FMN2: variants seen among roughly 807,000 people sequenced by gnomAD.
The protein encoded by FMN2 is formin 2, also known as formin-2.
FMN2 carries 51 observed loss-of-function variants against 142.3 expected under a neutral mutation model. That is an observed-to-expected ratio of 0.36 (90% CI 0.29 to 0.45). The LOEUF is 0.45. FMN2 is among the 20% of genes least tolerant of loss of function. FMN2 has a pLI of 1.00. For missense variants in FMN2, 1,936 were observed against 2,122.8 expected (o/e 0.91, Z 1.73); for synonymous variants, 882 against 869.8 (o/e 1.01, Z -0.25).
chr1:240,320,748 A>G (rs537255383), intron 8 of FMN2, among the ~76,000 whole-genome samples: 1 of 152,288 alleles, frequency 6.6e-6, no homozygotes, highest in East Asian at 1.9e-4. Context: ...TGCTCCGTGG[A>G]TGCCCAGGGA....
At chr1:240,254,111 T>G (rs2102890340) in intron 6 of FMN2, among the ~76,000 whole-genome samples, 1 of 152,160 alleles carries the variant, frequency 6.6e-6, no homozygotes, top group African/African-American at 2.4e-5. Flanking sequence ...GTGCCAGCAG[T>G]GGAAGAAGTG....
rs59902639 is a variant in FMN2 at position 240,252,953 on chromosome 1, C to CTTTT, written c.4066-4978_4066-4975dup. 7.3e-3 allele frequency among the ~76,000 whole-genome samples: 474 copies of CTTTT among 65,334 alleles called. 93 individuals are homozygous for CTTTT. Among genetic ancestry groups the CTTTT allele is most frequent in the African/African-American group, 0.029 (425 of 14,740 alleles). 42.9% of individuals were successfully genotyped at this position (65,334 alleles called of 152,430 possible). ...CCCATGTGTGATGTAGTCTTGTTCA[C>CTTTT]TTTTTTTTTTTTTTTTTGGAGACAG... On this transcript the variant is annotated intron_variant, in intron 6 of 17. Transcript: ENST00000319653.
intron 16 of FMN2, chr1:240,458,808 CGTTAA>C (rs899911627): frequency 2.0e-5 from 3 of 152,020 alleles, no homozygotes; most frequent in Non-Finnish European, 4.4e-5. Context: ...TATTTACTAT[CGTTAA>C]GTTTGTGGAA....
intron 1 of FMN2, among the ~76,000 whole-genome samples, chr1:240,110,162 AG>A (rs1169606490): frequency 1.3e-5 from 2 of 152,200 alleles, no homozygotes; most frequent in African/African-American, 4.8e-5. Context: ...AAAGTTGGTC[AG>A]AAGCTTTTCC....
At chr1:240,206,642 G>A (rs913231246) in intron 4 of FMN2, among the ~76,000 whole-genome samples, 157 bp from the exon 5 acceptor site, 1 of 152,158 alleles carries the variant, frequency 6.6e-6, no homozygotes, top group Non-Finnish European at 1.5e-5. Flanking sequence ...ATCTCAGGGT[G>A]CAAGCCAGGG....
intron 1 of FMN2, among the ~76,000 whole-genome samples, chr1:240,098,562 A>G (rs1236404705): frequency 6.6e-6 from 1 of 152,172 alleles, no homozygotes; most frequent in Non-Finnish European, 1.5e-5. Flanking sequence ...AATCTGCCTG[A>G]TACGTATAAA....
chr1:240,474,075 A>G (rs1167464964), intron 17 of FMN2, 53 bp from the exon 18 acceptor site: 9 of 1,492,164 alleles, frequency 6.0e-6, no homozygotes, highest in Non-Finnish European at 8.1e-6. Flanking sequence ...AATTCTTTCC[A>G]TTTTTAAAAG....
intron 2 of FMN2, among the ~76,000 whole-genome samples, chr1:240,162,337 G>A (rs1327886654): frequency 2.0e-5 from 3 of 151,958 alleles, no homozygotes; most frequent in East Asian, 1.9e-4. Flanking sequence ...GGTGGCAGTT[G>A]CCTGTAGTCC....
At chr1:240,128,441 CA>C (rs1228011162) in intron 2 of FMN2, among the ~76,000 whole-genome samples, 9 of 152,124 alleles carry the variant, frequency 5.9e-5, no homozygotes, top group African/African-American at 2.2e-4. Flanking sequence ...ACCATTTTTG[CA>C]GGGGTAGGTG....
chr1:240,352,056 A>T (rs906708039), intron 13 of FMN2, among the ~76,000 whole-genome samples: 1 of 152,234 alleles, frequency 6.6e-6, no homozygotes, highest in Non-Finnish European at 1.5e-5. Context: ...TAGGTTTTGC[A>T]AATCAGTCAA....
At chr1:240,144,191 G>A in intron 2 of FMN2, 1 of 1,489,204 alleles carries the variant, frequency 6.7e-7, no homozygotes, top group Non-Finnish European at 9.4e-7. Context: ...AAAGCCATTT[G>A]TTGCCATCAT....
At chr1:240,392,926 G>A (rs1474221968) in intron 15 of FMN2, among the ~76,000 whole-genome samples, 2 of 152,160 alleles carry the variant, frequency 1.3e-5, no homozygotes, top group African/African-American at 4.8e-5. Context: ...GGTAGGAAGC[G>A]ATGAGCTTCC....
intron 7 of FMN2, among the ~76,000 whole-genome samples, chr1:240,282,679 C>T (rs1669439100): frequency 6.6e-6 from 1 of 152,194 alleles, no homozygotes; most frequent in African/African-American, 2.4e-5. Flanking sequence ...CCCAGGTTTC[C>T]AGGTGCCCAA....
intron 7 of FMN2, among the ~76,000 whole-genome samples, chr1:240,262,363 G>A (rs749628374): frequency 5.9e-5 from 9 of 152,094 alleles, no homozygotes; most frequent in Non-Finnish European, 1.3e-4. Context: ...GCTCTTTGAC[G>A]TCCTTATGAT....
chr1:240,445,103 A>G lies in FMN2; in HGVS notation c.5060+6893A>G, dbSNP rs184647279. Among the ~76,000 whole-genome samples, 437 of 152,346 alleles carry G rather than the reference A, an allele frequency of 2.9e-3. 1 individual carries two copies. The highest frequency in any genetic ancestry group is 9.8e-3 in the African/African-American group (408 of 41,580). Reference sequence around the variant, plus strand: ...AGGTTTGGCAGAAGAGTCGACAAACAGGACAGTCAAAATAGTGGCCAATGG... The same window carrying G: ...AGGTTTGGCAGAAGAGTCGACAAACGGGACAGTCAAAATAGTGGCCAATGG... On this transcript the variant is annotated intron_variant, in intron 16 of 17. Coordinates refer to ENST00000319653, the MANE Select transcript of FMN2 (RefSeq NM_020066.5).
chr1:240,214,536 G>T (rs1204801605), intron 6 of FMN2, among the ~76,000 whole-genome samples: 1 of 138,944 alleles, frequency 7.2e-6, no homozygotes, highest in Non-Finnish European at 1.5e-5. Flanking sequence ...GGGCAATAGA[G>T]TGAGACTCCA....
intron 3 of FMN2, among the ~76,000 whole-genome samples, chr1:240,187,400 C>T (rs1053032728): frequency 1.3e-5 from 2 of 151,974 alleles, no homozygotes; most frequent in African/African-American, 2.4e-5. Flanking sequence ...TATAAACTCT[C>T]GTCTTCACCT....
chr1:240,377,272 G>T (rs1390874888), intron 14 of FMN2, among the ~76,000 whole-genome samples: 1 of 149,858 alleles, frequency 6.7e-6, no homozygotes, highest in South Asian at 2.1e-4. Context: ...TCCCATTTTT[G>T]AGAGATATTC....
rs1007835874 is a variant in FMN2 at position 240,184,385 on chromosome 1, C to T, written c.1931-3822C>T. Among the ~76,000 whole-genome samples the T allele has an allele frequency of 2.6e-5, 4 of 151,520 alleles. No homozygotes were observed. The East Asian group carries it at 7.8e-4, about 30-fold the overall frequency. ...CCGAGTAGCTGGGACTGCAGGTGCCCACCACCAGGCCGGCTCATTTTTGTA... is the reference window on the plus strand; with the variant it reads ...CCGAGTAGCTGGGACTGCAGGTGCCTACCACCAGGCCGGCTCATTTTTGTA... On this transcript the variant is annotated intron_variant, in intron 3 of 17. Coordinates refer to ENST00000319653, the MANE Select transcript of FMN2 (RefSeq NM_020066.5).
Sources: gnomAD v4.1 joint callset for allele counts (sites outside exome capture counted in the v4.1 genomes callset) on GRCh38, gnomAD v4.1.1 for gene constraint, MANE v1.5 for transcripts, NCBI Gene and HGNC (gene_info 2026-07-23, HGNC 2026-07-21) for gene names.